CTSE: variants seen among roughly 807,000 people sequenced by gnomAD.
The protein encoded by CTSE is erythrocyte membrane aspartic proteinase.
Under a neutral mutation model 42.8 loss-of-function variants are expected in CTSE, and 43 were observed. That is an observed-to-expected ratio of 1.01 (90% CI 0.79 to 1.30). The LOEUF is 1.30. Among genes scored for constraint, CTSE ranks in the 50% most tolerant of loss-of-function variants. The pLI, the probability that CTSE is intolerant of heterozygous loss-of-function variation, is 0.00. For missense variants in CTSE, 532 were observed against 493.5 expected (o/e 1.08, Z -0.74); for synonymous variants, 205 against 191.5 (o/e 1.07, Z -0.58).
intron 6 of CTSE, among the ~76,000 whole-genome samples, chr1:206,013,422 G>A (rs1553277329): frequency 6.6e-6 from 1 of 151,986 alleles, no homozygotes; most frequent in South Asian, 2.1e-4. Context: ...TTCTGTACAA[G>A]TTTTTTGAGG....
At chr1:206,011,376 G>C (rs567871720) in intron 8 of CTSE, among the ~76,000 whole-genome samples, 10 of 152,072 alleles carry the variant, frequency 6.6e-5, no homozygotes, top group African/African-American at 2.2e-4. Context: ...CAACTCACGT[G>C]GGGGAAGGTG....
intron 4 of CTSE, among the ~76,000 whole-genome samples, chr1:206,017,443 TC>T (rs1558152790): frequency 6.6e-6 from 1 of 152,012 alleles, no homozygotes; most frequent in Admixed American, 6.6e-5. Context: ...CTAAAAGGCT[TC>T]CGGTCCCAAG....
chr1:206,014,369 A>G (rs1661206451), intron 5 of CTSE, among the ~76,000 whole-genome samples: 2 of 152,042 alleles, frequency 1.3e-5, no homozygotes. Context: ...GAGCCTGAAA[A>G]CTTATTTTCA....
chr1:206,015,986 T>C lies in CTSE; in HGVS notation c.607A>G (p.Asn203Asp). The change falls in exon 5 of 9, where the codon AAC becomes GAC. Residue 203 changes from asparagine (N) to aspartate (D), a missense_variant. Asn to Asp is a conservative substitution (Grantham distance 23). Transcript: ENST00000358184. ...AVGGVTPVFD[N>D]MMAQNLVDLP... ...TCCACCAGGTTCTGAGCCATCATGT[T>C]GTCAAATACTGGAGTCACTCCTCCC... The C allele has an allele frequency of 6.2e-7, 1 of 1,613,922 alleles. No individual in the cohort carries two copies. The highest frequency in any genetic ancestry group is 8.5e-7 in the Non-Finnish European group (1 of 1,179,908).
intron 3 of CTSE, 147 bp downstream of exon 3, chr1:206,022,003 C>A (rs571316484): frequency 1.7e-6 from 1 of 573,008 alleles, no homozygotes; most frequent in South Asian, 2.3e-5. Flanking sequence ...AGCAGTTCCA[C>A]GGCTGACTCA....
chr1:206,021,907 T>A (rs1464934938), intron 3 of CTSE, among the ~76,000 whole-genome samples: 1 of 152,130 alleles, frequency 6.6e-6, no homozygotes, highest in Non-Finnish European at 1.5e-5. Context: ...GCTTTCTTTC[T>A]ATTAATTCTG....
intron 4 of CTSE, 65 bp from the exon 5 acceptor site, chr1:206,016,195 A>G: frequency 2.0e-6 from 3 of 1,475,522 alleles, no homozygotes; most frequent in Non-Finnish European, 2.8e-6. Flanking sequence ...AAAGGGTTTG[A>G]CTCCTGGATT....
At chr1:206,020,372 G>C (rs1367127926) in intron 4 of CTSE, among the ~76,000 whole-genome samples, 3 of 151,900 alleles carry the variant, frequency 2.0e-5, no homozygotes, top group African/African-American at 7.2e-5. Flanking sequence ...TGCCCTGCTG[G>C]CCTCGGGAAT....
chr1:206,023,610 G>T (rs1661516670), intron 1 of CTSE, 114 bp downstream of exon 1: 2 of 952,266 alleles, frequency 2.1e-6, no homozygotes, highest in African/African-American at 1.6e-5. Flanking sequence ...ATTGACGCAA[G>T]CCCTCAGCTT....
At chr1:206,012,055 A>G (rs1390270512) in intron 8 of CTSE, among the ~76,000 whole-genome samples, 6 of 152,128 alleles carry the variant, frequency 3.9e-5, no homozygotes, top group African/African-American at 7.2e-5. Flanking sequence ...ACATGGCAAT[A>G]TCAGAAGACT....
In CTSE at chr1:206,023,849, A is replaced by C; in HGVS notation, c.-58T>G. On this transcript the variant is annotated 5_prime_UTR_variant, in exon 1 of 9. Transcript: ENST00000358184. Reference sequence around the variant, plus strand: ...CCTCCTTTCTTCTCTCCCCGAGGGCAGTGGGAACGGACTTTCCCTAACTCT... The same window carrying C: ...CCTCCTTTCTTCTCTCCCCGAGGGCCGTGGGAACGGACTTTCCCTAACTCT... The C allele has an allele frequency of 1.9e-6, 3 of 1,568,740 alleles. No homozygotes were observed. Among genetic ancestry groups the C allele is most frequent in the Non-Finnish European group, 2.6e-6 (3 of 1,141,058 alleles).
intron 6 of CTSE, among the ~76,000 whole-genome samples, chr1:206,012,903 A>T (rs566935802): frequency 1.3e-5 from 2 of 152,234 alleles, no homozygotes; most frequent in East Asian, 3.9e-4. Context: ...CGTCTAAAAA[A>T]TGTAGGTGTC....
chr1:206,013,182 T>C (rs1405904801), intron 6 of CTSE, among the ~76,000 whole-genome samples: 1 of 152,076 alleles, frequency 6.6e-6, no homozygotes, highest in Non-Finnish European at 1.5e-5. Context: ...CTGCATTGTC[T>C]AGCACGGCGC....
intron 4 of CTSE, among the ~76,000 whole-genome samples, chr1:206,020,339 C>G (rs754906207): frequency 4.3e-4 from 65 of 152,026 alleles, no homozygotes; most frequent in Non-Finnish European, 7.9e-4. Flanking sequence ...TCCACCCACT[C>G]TAAGGGATGT....
Position 206,023,874 on chromosome 1 carries a change from T to G in CTSE, c.-83A>C. Reference sequence around the variant, plus strand: ...AGTGGGAACGGACTTTCCCTAACTCTCAGACCTGCCCAGCCCAGTCTGAGG... The same window carrying G: ...AGTGGGAACGGACTTTCCCTAACTCGCAGACCTGCCCAGCCCAGTCTGAGG... On this transcript the variant is annotated 5_prime_UTR_variant, in exon 1 of 9. Coordinates refer to ENST00000358184, the MANE Select transcript of CTSE (RefSeq NM_001910.4). 2.9e-6 allele frequency: 4 copies of G among 1,382,672 alleles called. No individual in the cohort carries two copies. Among genetic ancestry groups the G allele is most frequent in the Non-Finnish European group, 2.0e-6 (2 of 978,164 alleles). 85.7% of individuals were successfully genotyped at this position (1,382,672 alleles called of 1,614,324 possible).
At chr1:206,020,421 CTCTT>C (rs1558154282) in intron 4 of CTSE, among the ~76,000 whole-genome samples, 1 of 152,058 alleles carries the variant, frequency 6.6e-6, no homozygotes, top group African/African-American at 2.4e-5. Flanking sequence ...AGGTCAACCT[CTCTT>C]TCTCCCAAGG....
At chr1:206,015,006 G>A (rs930017563) in intron 5 of CTSE, among the ~76,000 whole-genome samples, 1 of 152,042 alleles carries the variant, frequency 6.6e-6, no homozygotes, top group African/African-American at 2.4e-5. Flanking sequence ...AGTCAGCAAG[G>A]TCAGAAATCA....
intron 2 of CTSE, 119 bp from the exon 3 acceptor site, chr1:206,022,386 T>C (rs2102279217): frequency 1.5e-6 from 1 of 650,834 alleles, no homozygotes; most frequent in East Asian, 2.7e-5. Flanking sequence ...AGACTGGAGT[T>C]TACAGAGCCT....
intron 8 of CTSE, among the ~76,000 whole-genome samples, chr1:206,011,981 A>G (rs1553277009): frequency 6.6e-6 from 1 of 152,148 alleles, no homozygotes; most frequent in African/African-American, 2.4e-5. Flanking sequence ...ATAAAATGAG[A>G]TAGTAATAGC....
Sources: allele counts gnomAD v4.1 joint callset (sites outside exome capture counted in the v4.1 genomes callset), GRCh38; gene constraint gnomAD v4.1.1; transcripts MANE v1.5; gene names NCBI Gene and HGNC (gene_info 2026-07-23, HGNC 2026-07-21).